XYLT1: variants seen among roughly 807,000 people sequenced by gnomAD.
XYLT1 encodes the protein xylosyltransferase 1.
XYLT1 carries 36 observed loss-of-function variants against 91.3 expected under a neutral mutation model. The observed-to-expected ratio is 0.39, with a 90% CI of 0.30 to 0.52. The LOEUF (loss-of-function observed/expected upper bound fraction) is 0.52. XYLT1 is among the 20% of genes least tolerant of loss of function. The pLI is 0.68. For missense variants in XYLT1, 1,242 were observed against 1,284.5 expected, an observed-to-expected ratio of 0.97 and a Z score of 0.51; for synonymous variants, 588 against 532.0, an observed-to-expected ratio of 1.11 and a Z score of -1.45.
chr16:17,119,493 C>T (rs7190212), intron 10 of XYLT1, among the ~76,000 whole-genome samples: 145,172 of 152,270 alleles, frequency 0.95, 69,263 homozygotes, highest in Middle Eastern at 0.98. Flanking sequence ...TACACATACC[C>T]ACATTCTGAG....
At chr16:17,298,858 A>G (rs961916300) in intron 2 of XYLT1, among the ~76,000 whole-genome samples, 4 of 152,128 alleles carry the variant, frequency 2.6e-5, no homozygotes, top group African/African-American at 7.2e-5. Context: ...GACACGCCCT[A>G]TGAGAGCCAC....
intron 2 of XYLT1, among the ~76,000 whole-genome samples, chr16:17,320,861 C>G (rs1032261662): frequency 4.0e-5 from 6 of 151,274 alleles, no homozygotes; most frequent in African/African-American, 1.5e-4. Context: ...GTTCCTGACT[C>G]ATAGAATTGT....
intron 5 of XYLT1, among the ~76,000 whole-genome samples, chr16:17,196,744 AAC>A (rs2032433395): frequency 6.6e-6 from 1 of 152,120 alleles, no homozygotes. Flanking sequence ...CCAGATGGAA[AAC>A]ACAGTCAAAG....
Position 17,141,240 on chromosome 16 carries a change from C to G in XYLT1, c.1500G>C (p.Arg500=). The G allele has an allele frequency of 6.2e-7, 1 of 1,614,226 alleles. No individual in the cohort carries two copies. Among genetic ancestry groups the G allele is most frequent in the Non-Finnish European group, 8.5e-7 (1 of 1,180,044 alleles). The part of the protein sequence containing the change: ...DGGSDWFLLN[R]RFVEYVTFST... ...AGAAGGTCACATATTCTACAAACCTCCGGTTCAGCAGGAACCAGTCCGAAC... is the reference window on the plus strand; with the variant it reads ...AGAAGGTCACATATTCTACAAACCTGCGGTTCAGCAGGAACCAGTCCGAAC... Residue 500 remains arginine, a synonymous_variant, in exon 7 of 12, where the codon CGG becomes CGC. Transcript: ENST00000261381.
At chr16:17,226,613 C>G (rs959979363) in intron 3 of XYLT1, among the ~76,000 whole-genome samples, 1 of 152,126 alleles carries the variant, frequency 6.6e-6, no homozygotes, top group Admixed American at 6.6e-5. Flanking sequence ...CGTGGCGAAA[C>G]CCTGTCTCTA....
intron 1 of XYLT1, among the ~76,000 whole-genome samples, chr16:17,443,722 C>T (rs1309616829): frequency 6.6e-6 from 1 of 152,178 alleles, no homozygotes; most frequent in Non-Finnish European, 1.5e-5. Flanking sequence ...CACCTAACCC[C>T]ATGGGTCTTA....
intron 3 of XYLT1, among the ~76,000 whole-genome samples, chr16:17,237,690 T>C (rs904742859): frequency 6.6e-6 from 1 of 152,196 alleles, no homozygotes; most frequent in Non-Finnish European, 1.5e-5. Context: ...CCAATATTCA[T>C]CTGGGCCTAG....
chr16:17,136,558 G>C (rs974048050), intron 8 of XYLT1, among the ~76,000 whole-genome samples: 3 of 152,126 alleles, frequency 2.0e-5, no homozygotes, highest in African/African-American at 7.2e-5. Context: ...ATAGTGTCTA[G>C]CACATAGTGT....
Position 17,430,414 on chromosome 16 carries a change from T to C in XYLT1, c.363+40020A>G, listed in dbSNP as rs181074830. Among the ~76,000 whole-genome samples, 379 of 152,332 alleles carry C rather than the reference T, an allele frequency of 2.5e-3. 2 individuals are homozygous for C. The highest frequency in any genetic ancestry group is 8.1e-3 in the Admixed American group (124 of 15,298). ...GATCCAGAATGCACAAAGATTCTGG[T>C]CCCAAGCACTTTGGTTAAGAGACAC... On this transcript the variant is annotated intron_variant, in intron 1 of 11. Transcript: ENST00000261381.
intron 5 of XYLT1, among the ~76,000 whole-genome samples, chr16:17,194,673 G>A (rs1332103741): frequency 6.6e-6 from 1 of 152,208 alleles, no homozygotes; most frequent in Non-Finnish European, 1.5e-5. Flanking sequence ...GGGCCATCCT[G>A]CCAGTCCAGT....
At chr16:17,260,439 C>G (rs1428939673) in intron 2 of XYLT1, among the ~76,000 whole-genome samples, 2 of 152,160 alleles carry the variant, frequency 1.3e-5, no homozygotes, top group East Asian at 3.9e-4. Flanking sequence ...TCTGAAGCCA[C>G]AGAGAAGAGT....
chr16:17,398,056 G>A (rs1030770562), intron 1 of XYLT1, among the ~76,000 whole-genome samples: 1 of 151,902 alleles, frequency 6.6e-6, no homozygotes, highest in African/African-American at 2.4e-5. Flanking sequence ...TGCTGATCTC[G>A]TGAACAGCTC....
At chr16:17,186,381 AC>A (rs775537633) in intron 5 of XYLT1, among the ~76,000 whole-genome samples, 10 of 151,546 alleles carry the variant, frequency 6.6e-5, no homozygotes, top group Non-Finnish European at 1.5e-4. Context: ...GGGATTACAG[AC>A]GTGAGCCACC....
At position 17,242,278 on chromosome 16, in the gene XYLT1, A is replaced by G. The variant is rs78803423; in HGVS notation, c.913+16710T>C. Among the ~76,000 whole-genome samples, 585 of 152,302 alleles carry G rather than the reference A, an allele frequency of 3.8e-3. 4 individuals are homozygous for G. Among genetic ancestry groups the G allele is most frequent in the African/African-American group, 0.014 (566 of 41,552 alleles). On this transcript the variant is annotated intron_variant, in intron 3 of 11. Transcript: ENST00000261381. The stretch of plus-strand genomic sequence containing the variant: ...ATTTTATCAGAGCACAGACATGCCT[A>G]TTCATTTATGCACTATCTACACATT...
intron 1 of XYLT1, among the ~76,000 whole-genome samples, chr16:17,443,139 G>C (rs1284131195): frequency 6.6e-6 from 1 of 152,152 alleles, no homozygotes; most frequent in Non-Finnish European, 1.5e-5. Flanking sequence ...ACCTCACAGG[G>C]TGGCAGAGAT....
intron 5 of XYLT1, among the ~76,000 whole-genome samples, chr16:17,194,881 G>A (rs998472937): frequency 5.3e-5 from 8 of 152,192 alleles, no homozygotes; most frequent in Non-Finnish European, 1.2e-4. Context: ...TCAGCATTTT[G>A]GGACATTTCC....
In XYLT1 at chr16:17,158,927, G is replaced by C. The variant is rs748724788; in HGVS notation, c.1290-18C>G. 1.2e-6 allele frequency: 2 copies of C among 1,612,268 alleles called. No homozygotes were observed. The highest frequency in any genetic ancestry group is 1.7e-6 in the Non-Finnish European group (2 of 1,178,344). On this transcript the variant is annotated intron_variant, in intron 5 of 11. Coordinates refer to ENST00000261381, the MANE Select transcript of XYLT1 (RefSeq NM_022166.4). ...CATTTGTCCTGTGGAAACAAACCAA[G>C]GGGAGAGTCAGGCCAGACACCGTGG...
At chr16:17,324,756 T>C (rs1292326781) in intron 2 of XYLT1, among the ~76,000 whole-genome samples, 1 of 152,122 alleles carries the variant, frequency 6.6e-6, no homozygotes, top group Non-Finnish European at 1.5e-5. Context: ...ATGTTTTTAG[T>C]GAACAAATGC....
intron 3 of XYLT1, among the ~76,000 whole-genome samples, chr16:17,204,032 C>T (rs1194343959): frequency 6.6e-6 from 1 of 152,232 alleles, no homozygotes; most frequent in Non-Finnish European, 1.5e-5. Flanking sequence ...TCCTCTGAGG[C>T]TCAGAGAGGT....
Sources: allele counts gnomAD v4.1 joint callset (sites outside exome capture counted in the v4.1 genomes callset), GRCh38; gene constraint gnomAD v4.1.1; transcripts MANE v1.5; gene names NCBI Gene and HGNC (gene_info 2026-07-23, HGNC 2026-07-21).